FBXW12: variants seen among roughly 807,000 people sequenced by gnomAD.
FBXW12 encodes the protein F-box/WD repeat-containing protein 12.
FBXW12 carries 43 observed loss-of-function variants against 55.3 expected under a neutral mutation model. The observed-to-expected ratio is 0.78, with a 90% CI of 0.61 to 1.00. The LOEUF (loss-of-function observed/expected upper bound fraction) is 1.00. FBXW12 is among the 50% of genes least tolerant of loss of function. FBXW12 has a pLI of 0.00. For missense variants in FBXW12, 524 were observed against 560.5 expected (o/e 0.93, Z 0.66); for synonymous variants, 184 against 203.8 (o/e 0.90, Z 0.83).
chr3:48,388,546 TTATC>T (rs1185356427), intron 10 of FBXW12, among the ~76,000 whole-genome samples: 1 of 152,198 alleles, frequency 6.6e-6, no homozygotes, highest in African/African-American at 2.4e-5. Context: ...GAGGTCTACT[TTATC>T]TAATACTAAT....
At chr3:48,382,773 C>T (rs1171941651) in intron 10 of FBXW12, among the ~76,000 whole-genome samples, 5 of 152,154 alleles carry the variant, frequency 3.3e-5, no homozygotes, top group Non-Finnish European at 5.9e-5. Flanking sequence ...ACGTAGTACA[C>T]GTAGAAGTCT....
chr3:48,382,917 T>C (rs953081071), intron 10 of FBXW12, among the ~76,000 whole-genome samples: 1 of 152,358 alleles, frequency 6.6e-6, no homozygotes, highest in Middle Eastern at 3.4e-3. Flanking sequence ...AAGAATTTAC[T>C]GTGAAGCTAT....
chr3:48,387,517 C>T (rs2036864266), intron 10 of FBXW12, among the ~76,000 whole-genome samples: 1 of 148,732 alleles, frequency 6.7e-6, no homozygotes, highest in Non-Finnish European at 1.5e-5. Flanking sequence ...TTTCTTGCTT[C>T]TGGTTACTTT....
Position 48,372,760 on chromosome 3 carries a change from C to G in FBXW12, c.-8C>G, listed in dbSNP as rs775464277. 6.2e-7 allele frequency: 1 copy of G among 1,614,140 alleles called. No homozygotes were observed. The highest frequency in any genetic ancestry group is 8.5e-7 in the Non-Finnish European group (1 of 1,180,010). On this transcript the variant is annotated 5_prime_UTR_variant, in exon 2 of 11. Transcript: ENST00000296438. ...AAGGAAAGTGGATGTGGGTTCAGGC[C>G]GCATGAAATGGAGATCCGATTGCCT...
At chr3:48,376,175 T>C (rs1185641003) in intron 5 of FBXW12, among the ~76,000 whole-genome samples, 1 of 151,852 alleles carries the variant, frequency 6.6e-6, no homozygotes, top group East Asian at 1.9e-4. Context: ...AGAGACGGGG[T>C]TTCGCCATGT....
At chr3:48,392,319 C>T (rs1314697916) in intron 10 of FBXW12, among the ~76,000 whole-genome samples, 4 of 151,932 alleles carry the variant, frequency 2.6e-5, no homozygotes, top group Admixed American at 6.6e-5. Context: ...GGCATGGTGG[C>T]GGGCATCTGT....
At chr3:48,388,869 GAAA>G (rs2036881744) in intron 10 of FBXW12, among the ~76,000 whole-genome samples, 1 of 152,150 alleles carries the variant, frequency 6.6e-6, no homozygotes, top group South Asian at 2.1e-4. Flanking sequence ...TATTTGTGGT[GAAA>G]ACATTTAAAA....
chr3:48,387,205 G>GT (rs1265322483), intron 10 of FBXW12, among the ~76,000 whole-genome samples: 4 of 152,086 alleles, frequency 2.6e-5, no homozygotes, highest in African/African-American at 9.7e-5. Flanking sequence ...AGTTTTTACA[G>GT]TTTGAATTTC....
intron 5 of FBXW12, among the ~76,000 whole-genome samples, chr3:48,377,929 C>T (rs2036708052): frequency 6.6e-6 from 1 of 152,132 alleles, no homozygotes; most frequent in Non-Finnish European, 1.5e-5. Flanking sequence ...ATAGTTAATA[C>T]ATTTTGGGTT....
chr3:48,393,385 G>A (rs1460811109), intron 10 of FBXW12, among the ~76,000 whole-genome samples: 2 of 152,122 alleles, frequency 1.3e-5, no homozygotes, highest in African/African-American at 4.8e-5. Context: ...TGGGGAGGGG[G>A]AGAAGTGTCA....
chr3:48,387,441 A>T (rs1352589324), intron 10 of FBXW12, among the ~76,000 whole-genome samples: 9 of 145,282 alleles, frequency 6.2e-5, no homozygotes, highest in African/African-American at 1.3e-4. Context: ...TTTGGTCTCT[A>T]TTTTTTTTTT....
At chr3:48,385,274 A>T (rs2036830536) in intron 10 of FBXW12, among the ~76,000 whole-genome samples, 1 of 152,082 alleles carries the variant, frequency 6.6e-6, no homozygotes, top group Admixed American at 6.6e-5. Flanking sequence ...AATGACCTCC[A>T]GATTCATCCA....
chr3:48,375,349 T>C lies in FBXW12; in HGVS notation c.287-5T>C. The C allele has an allele frequency of 6.4e-7, 1 of 1,558,874 alleles. No homozygotes were observed. The highest frequency in any genetic ancestry group is 8.8e-7 in the Non-Finnish European group (1 of 1,131,296). ...GGTGGCCAAGTCTTCTATGTTTCCT[T>C]CTAGCATTTGAGACGGAGTTGGCTT... On this transcript the variant is annotated splice_region_variant and splice_polypyrimidine_tract_variant and intron_variant, in intron 4 of 10. Coordinates refer to ENST00000296438, the MANE Select transcript of FBXW12 (RefSeq NM_207102.2).
At chr3:48,381,624 A>T in intron 8 of FBXW12, 76 bp from the exon 9 acceptor site, 1 of 1,434,944 alleles carries the variant, frequency 7.0e-7, no homozygotes, top group Non-Finnish European at 9.3e-7. Flanking sequence ...CAGTGTGAGG[A>T]TATTATTATT....
At position 48,375,974 on chromosome 3, in the gene FBXW12, C is replaced by CTTTT. The variant is rs34834484; in HGVS notation, c.405+526_405+529dup. On this transcript the variant is annotated intron_variant, in intron 5 of 10. Transcript: ENST00000296438. ...ACAGGCGTGAGCCACTGCGCCCGGC[C>CTTTT]TTTTTTTTTTTTTTTTTTTTTTTTT... is the stretch of plus-strand genomic sequence containing the variant. Among the ~76,000 whole-genome samples, 359 of 40,654 alleles carry CTTTT rather than the reference C, an allele frequency of 8.8e-3. 87 individuals are homozygous for CTTTT. The highest frequency in any genetic ancestry group is 0.03 in the African/African-American group (316 of 10,550). The allele number at this position is 40,654 out of a possible 152,430, so 26.7% of individuals were successfully genotyped here.
chr3:48,379,259 G>A, intron 6 of FBXW12, 141 bp from the exon 7 acceptor site: 1 of 784,030 alleles, frequency 1.3e-6, no homozygotes, highest in East Asian at 2.4e-5. Flanking sequence ...AGTGTCTCAA[G>A]CTAGACTGGT....
intron 10 of FBXW12, among the ~76,000 whole-genome samples, chr3:48,382,765 G>A (rs1475693714): frequency 2.6e-5 from 4 of 152,102 alleles, no homozygotes; most frequent in South Asian, 2.1e-4. Context: ...GAGATTTTAC[G>A]TAGTACACGT....
intron 1 of FBXW12, among the ~76,000 whole-genome samples, 155 bp downstream of exon 1, chr3:48,372,475 T>A (rs1439942919): frequency 6.6e-6 from 1 of 152,208 alleles, no homozygotes; most frequent in East Asian, 1.9e-4. Context: ...CTGCCCCAGG[T>A]TCTGCACCTC....
At chr3:48,385,169 G>A (rs1240734269) in intron 10 of FBXW12, among the ~76,000 whole-genome samples, 1 of 152,058 alleles carries the variant, frequency 6.6e-6, no homozygotes, top group Non-Finnish European at 1.5e-5. Flanking sequence ...CTGTGCTTCT[G>A]TGAGTTCGAT....
Sources: gnomAD v4.1 joint callset for allele counts (sites outside exome capture counted in the v4.1 genomes callset) on GRCh38, gnomAD v4.1.1 for gene constraint, MANE v1.5 for transcripts, NCBI Gene and HGNC (gene_info 2026-07-23, HGNC 2026-07-21) for gene names.